GUCY1A2: variants seen among roughly 807,000 people sequenced by gnomAD.
GUCY1A2 encodes the protein guanylate cyclase 1 soluble subunit alpha 2.
A neutral mutation model predicts 63.5 loss-of-function variants in GUCY1A2; 27 were observed. The ratio of observed to expected loss-of-function variants is 0.43; its 90% CI spans 0.31 to 0.59. The LOEUF (loss-of-function observed/expected upper bound fraction) is 0.59, where lower values mean the gene tolerates loss of function less well. Among genes scored for constraint, GUCY1A2 ranks in the 20% least tolerant of loss-of-function variants. GUCY1A2 has a pLI of 0.11. For synonymous variants in GUCY1A2, 364 were observed against 343.5 expected (o/e 1.06, Z -0.66); for missense variants, 768 against 913.3 (o/e 0.84, Z 2.05).
chr11:106,680,745 A>T lies in GUCY1A2; in HGVS notation c.*6804T>A, dbSNP rs181641898. The T allele has an allele frequency of 2.9e-5, 6 of 206,686 alleles. No individual in the cohort carries two copies. The highest frequency in any genetic ancestry group is 1.4e-4 in the African/African-American group (6 of 43,986). The allele number at this position is 206,686 out of a possible 1,614,324, so 12.8% of individuals were successfully genotyped here. On this transcript the variant is annotated 3_prime_UTR_variant, in exon 8 of 8. Coordinates refer to ENST00000526355, the MANE Select transcript of GUCY1A2 (RefSeq NM_000855.3). ...AAACTGTGGGCAGGAGAATGCTAAAATTAAGTTTTGCTATGAGTAATAGAA... is the reference window on the plus strand; with the variant it reads ...AAACTGTGGGCAGGAGAATGCTAAATTTAAGTTTTGCTATGAGTAATAGAA...
intron 3 of GUCY1A2, among the ~76,000 whole-genome samples, chr11:106,969,494 A>G (rs1298196140): frequency 6.6e-6 from 1 of 152,166 alleles, no homozygotes; most frequent in Non-Finnish European, 1.5e-5. Flanking sequence ...AAAGTCTTCT[A>G]ACACAAAAGA....
intron 6 of GUCY1A2, among the ~76,000 whole-genome samples, chr11:106,761,700 C>G (rs1308548573): frequency 2.0e-5 from 3 of 152,162 alleles, no homozygotes; most frequent in Non-Finnish European, 4.4e-5. Context: ...CTTGAAGCAC[C>G]AAGTTTAAAA....
chr11:106,715,457 C>G (rs1055977941), intron 6 of GUCY1A2, among the ~76,000 whole-genome samples: 3 of 152,072 alleles, frequency 2.0e-5, no homozygotes, highest in African/African-American at 7.2e-5. Context: ...TAAAAAATGC[C>G]CAAATTTAAG....
intron 3 of GUCY1A2, among the ~76,000 whole-genome samples, chr11:106,977,300 T>C (rs914658907): frequency 6.6e-6 from 1 of 152,216 alleles, no homozygotes; most frequent in African/African-American, 2.4e-5. Context: ...AAACAACTCT[T>C]GGGTAATGTC....
intron 3 of GUCY1A2, among the ~76,000 whole-genome samples, chr11:106,958,016 A>G (rs1321295714): frequency 6.6e-6 from 1 of 152,074 alleles, no homozygotes; most frequent in African/African-American, 2.4e-5. Flanking sequence ...TTAGACAAAC[A>G]GCATTAGATG....
intron 3 of GUCY1A2, among the ~76,000 whole-genome samples, chr11:106,946,747 GT>G (rs1172243561): frequency 3.3e-5 from 5 of 152,226 alleles, no homozygotes; most frequent in Admixed American, 2.0e-4. Flanking sequence ...TGAGTATGGG[GT>G]TTCTTTTTGG....
At chr11:106,774,915 T>C (rs377158605) in intron 6 of GUCY1A2, among the ~76,000 whole-genome samples, 36 of 152,156 alleles carry the variant, frequency 2.4e-4, no homozygotes, top group African/African-American at 8.4e-4. Flanking sequence ...GTCTTGTCCC[T>C]TTCTCACAGT....
intron 4 of GUCY1A2, among the ~76,000 whole-genome samples, chr11:106,845,507 A>C (rs950735119): frequency 5.3e-5 from 8 of 151,600 alleles, no homozygotes; most frequent in Admixed American, 2.6e-4. Context: ...CTCACTGACT[A>C]TCTCTTCCAT....
intron 3 of GUCY1A2, among the ~76,000 whole-genome samples, chr11:106,958,780 T>G (rs1861023034): frequency 6.6e-6 from 1 of 152,210 alleles, no homozygotes; most frequent in African/African-American, 2.4e-5. Context: ...TACAGTCTTT[T>G]GTGTATATGT....
intron 3 of GUCY1A2, among the ~76,000 whole-genome samples, chr11:106,967,676 G>A (rs1289877064): frequency 9.4e-5 from 13 of 138,138 alleles, no homozygotes; most frequent in African/African-American, 3.2e-4. Context: ...TTGGCAAAGA[G>A]ATACAGAAAA....
intron 5 of GUCY1A2, among the ~76,000 whole-genome samples, chr11:106,801,372 A>G (rs1858601779): frequency 6.6e-6 from 1 of 152,122 alleles, no homozygotes; most frequent in African/African-American, 2.4e-5. Flanking sequence ...TAATTTGTCA[A>G]AGTTGTTGGA....
rs767942434 is a variant in GUCY1A2, at chr11:107,017,734, C to T, written c.303+19G>A. The T allele has an allele frequency of 1.0e-5, 14 of 1,358,510 alleles. No homozygotes were observed. Among genetic ancestry groups the T allele is most frequent in the South Asian group, 5.1e-5 (3 of 59,148 alleles). 84.2% of individuals were successfully genotyped at this position (1,358,510 alleles called of 1,614,324 possible). ...GTTCTCTCCCCCGAAGGCGGTCCCCCCTTCCGCCCCCCGCTCACCGAGGGC... is the reference window on the plus strand; with the variant it reads ...GTTCTCTCCCCCGAAGGCGGTCCCCTCTTCCGCCCCCCGCTCACCGAGGGC... On this transcript the variant is annotated intron_variant, in intron 1 of 7. Transcript: ENST00000526355.
chr11:106,943,314 T>C lies in GUCY1A2; in HGVS notation c.488-3136A>G, dbSNP rs1415373556. Among the ~76,000 whole-genome samples, 8 of 152,298 alleles carry C rather than the reference T, an allele frequency of 5.3e-5. No individual in the cohort carries two copies. In the East Asian group the frequency reaches 1.5e-3, roughly 29 times the overall value. ...TTGAAACATATAGACAATGCTAATCTCCTCACATCACAAGATTCTATGACA... is the reference window on the plus strand; with the variant it reads ...TTGAAACATATAGACAATGCTAATCCCCTCACATCACAAGATTCTATGACA... On this transcript the variant is annotated intron_variant, in intron 3 of 7. Coordinates refer to ENST00000526355, the MANE Select transcript of GUCY1A2 (RefSeq NM_000855.3).
At chr11:106,831,336 A>G (rs1859047992) in intron 4 of GUCY1A2, among the ~76,000 whole-genome samples, 1 of 152,200 alleles carries the variant, frequency 6.6e-6, no homozygotes, top group Non-Finnish European at 1.5e-5. Context: ...AAGATGATAG[A>G]GTTCAACTGA....
At chr11:106,973,537 A>C (rs1256725853) in intron 3 of GUCY1A2, among the ~76,000 whole-genome samples, 1 of 152,138 alleles carries the variant, frequency 6.6e-6, no homozygotes, top group Non-Finnish European at 1.5e-5. Flanking sequence ...CAAAGCACTA[A>C]GCAAAATGTG....
intron 6 of GUCY1A2, among the ~76,000 whole-genome samples, chr11:106,776,098 A>AC (rs1196992724): frequency 1.1e-4 from 16 of 151,978 alleles, no homozygotes; most frequent in African/African-American, 3.9e-4. Flanking sequence ...TTTGTGTTTT[A>AC]CTTCTTGGAT....
intron 3 of GUCY1A2, among the ~76,000 whole-genome samples, chr11:106,971,786 C>G (rs1015293274): frequency 1.4e-4 from 22 of 152,098 alleles, no homozygotes; most frequent in African/African-American, 4.8e-4. Flanking sequence ...ATGAGTACAA[C>G]CAATGCCCAG....
intron 4 of GUCY1A2, among the ~76,000 whole-genome samples, chr11:106,902,848 G>A: frequency 6.6e-6 from 1 of 152,066 alleles, no homozygotes; most frequent in East Asian, 1.9e-4. Flanking sequence ...AAAGTATACA[G>A]GAGGATGTGC....
At chr11:106,807,806 A>G (rs780459972) in intron 5 of GUCY1A2, among the ~76,000 whole-genome samples, 1 of 152,172 alleles carries the variant, frequency 6.6e-6, no homozygotes, top group Non-Finnish European at 1.5e-5. Context: ...GAAGGACTAG[A>G]CTGGCCTGAG....
Sources: allele counts gnomAD v4.1 joint callset (sites outside exome capture counted in the v4.1 genomes callset), GRCh38; gene constraint gnomAD v4.1.1; transcripts MANE v1.5; gene names NCBI Gene and HGNC (gene_info 2026-07-23, HGNC 2026-07-21).